CPNE4: variants seen among roughly 807,000 people sequenced by gnomAD.
The protein encoded by CPNE4 is copine 4.
Under a neutral mutation model 67.9 loss-of-function variants are expected in CPNE4, and 25 were observed. The observed-to-expected ratio is 0.37, with a 90% CI of 0.27 to 0.51. CPNE4 has a LOEUF of 0.51. Among genes scored for constraint, CPNE4 ranks in the 20% least tolerant of loss-of-function variants. CPNE4 has a pLI of 0.93. For synonymous variants in CPNE4, 242 were observed against 244.9 expected, an observed-to-expected ratio of 0.99 and a Z score of 0.11; for missense variants, 464 against 690.8, an observed-to-expected ratio of 0.67 and a Z score of 3.68.
intron 2 of CPNE4, among the ~76,000 whole-genome samples, chr3:131,750,289 A>T (rs142217139): frequency 9.4e-4 from 143 of 152,262 alleles, no homozygotes; most frequent in African/African-American, 3.3e-3. Context: ...TTGTCTTTCA[A>T]TTGGTATATT....
intron 1 of CPNE4, among the ~76,000 whole-genome samples, chr3:132,000,615 G>A (rs1167514401): frequency 9.9e-5 from 15 of 151,620 alleles, no homozygotes; most frequent in Non-Finnish European, 2.2e-4. Flanking sequence ...TTAGAAAAGG[G>A]AAATTCTCAT....
At chr3:131,736,641 G>A (rs1037223040) in intron 2 of CPNE4, among the ~76,000 whole-genome samples, 3 of 148,556 alleles carry the variant, frequency 2.0e-5, no homozygotes, top group Admixed American at 1.3e-4. Flanking sequence ...AAAAGTTGAA[G>A]ATGCTTACAC....
At chr3:132,000,850 A>G (rs979222084) in intron 1 of CPNE4, among the ~76,000 whole-genome samples, 2 of 149,832 alleles carry the variant, frequency 1.3e-5, no homozygotes, top group African/African-American at 4.9e-5. Context: ...TGTTTCTTAA[A>G]AAAAAAAAAA....
At chr3:131,840,606 A>AG (rs1289557396) in intron 2 of CPNE4, among the ~76,000 whole-genome samples, 1 of 152,190 alleles carries the variant, frequency 6.6e-6, no homozygotes, top group African/African-American at 2.4e-5. Flanking sequence ...CACCACCCTG[A>AG]GTTCTTGGCA....
chr3:131,983,151 T>C (rs2072951683), intron 1 of CPNE4, among the ~76,000 whole-genome samples: 1 of 152,166 alleles, frequency 6.6e-6, no homozygotes, highest in Admixed American at 6.5e-5. Flanking sequence ...CTTGTAAATA[T>C]CTAAGTTCTC....
intron 1 of CPNE4, among the ~76,000 whole-genome samples, chr3:131,954,945 G>A (rs189464076): frequency 9.1e-5 from 13 of 142,160 alleles, no homozygotes; most frequent in East Asian, 2.0e-4. Flanking sequence ...GAACAGTGCC[G>A]CAATAAACAT....
chr3:131,976,400 A>C (rs954861444), intron 1 of CPNE4, among the ~76,000 whole-genome samples: 2 of 152,194 alleles, frequency 1.3e-5, no homozygotes, highest in Admixed American at 6.5e-5. Flanking sequence ...TTTTCCCTTT[A>C]TAAGACCACT....
chr3:131,550,890 A>G (rs188379789), intron 13 of CPNE4, among the ~76,000 whole-genome samples: 2 of 152,240 alleles, frequency 1.3e-5, no homozygotes, highest in Admixed American at 1.3e-4. Context: ...AGGCAGTCCT[A>G]TCTATACAGC....
At chr3:131,999,346 G>A (rs778430081) in intron 1 of CPNE4, among the ~76,000 whole-genome samples, 3 of 150,574 alleles carry the variant, frequency 2.0e-5, no homozygotes, top group Non-Finnish European at 4.4e-5. Context: ...AACTAACTGG[G>A]GATCATCCAT....
intron 2 of CPNE4, among the ~76,000 whole-genome samples, chr3:131,849,433 C>A (rs1031354625): frequency 6.6e-6 from 1 of 151,916 alleles, no homozygotes; most frequent in African/African-American, 2.4e-5. Context: ...CATGGCCAGA[C>A]GGGAAGAATA....
chr3:131,685,907 C>T lies in CPNE4; in HGVS notation c.559G>A (p.Asp187Asn), dbSNP rs760915756. The T allele has an allele frequency of 6.2e-7, 1 of 1,613,454 alleles. No individual in the cohort carries two copies. The highest frequency in any genetic ancestry group is 8.5e-7 in the Non-Finnish European group (1 of 1,179,436). ...PFLEIFRMND[D>N]ATQQLVHRTE... ...CGGTGCACCAGCTGCTGAGTTGCAT[C>T]ATCATTCATACGAAAAATTTCCAGA... The change falls in exon 6 of 16, where the codon GAT becomes AAT. Residue 187 changes from aspartate (D) to asparagine (N), a missense_variant. Transcript: ENST00000429747.
rs2074054070 is a variant in CPNE4, at chr3:132,023,691, T to G, written c.-2+10876A>C. Among the ~76,000 whole-genome samples the G allele has an allele frequency of 4.6e-5, 7 of 152,006 alleles. No homozygotes were observed. In the South Asian group the frequency reaches 1.0e-3, roughly 23 times the overall value. On this transcript the variant is annotated intron_variant, in intron 1 of 15. Coordinates refer to ENST00000429747, the MANE Select transcript of CPNE4 (RefSeq NM_130808.3). ...TTTAGTAGAGACGGGGTTTCACCGT[T>G]TTAGCCGGGATGGTCTCGATCTCCT...
intron 11 of CPNE4, among the ~76,000 whole-genome samples, chr3:131,562,317 C>G (rs893883313): frequency 6.6e-6 from 1 of 152,002 alleles, no homozygotes; most frequent in African/African-American, 2.4e-5. Context: ...AGATCATCCA[C>G]TAAATCTGCT....
intron 6 of CPNE4, among the ~76,000 whole-genome samples, chr3:131,685,202 G>C (rs2080861139): frequency 6.8e-6 from 1 of 147,426 alleles, no homozygotes; most frequent in South Asian, 2.1e-4. Flanking sequence ...ATCATCATGT[G>C]TGAGGAATTT....
intron 7 of CPNE4, among the ~76,000 whole-genome samples, chr3:131,630,430 A>G (rs545130520): frequency 3.3e-5 from 5 of 152,344 alleles, no homozygotes; most frequent in African/African-American, 4.8e-5. Context: ...TGGTGCAGTG[A>G]AAAAACCTCA....
chr3:131,993,472 C>CAAAAAAAAAAAAAAAAAAAAA lies in CPNE4; in HGVS notation c.-2+41094_-2+41095insTTTTTTTTTTTTTTTTTTTTT, dbSNP rs58116331. ...ACCCTGATTTCGTGTGCAGGAGTGG[C>CAAAAAAAAAAAAAAAAAAAAA]AAAAAAAAAAAAAAAAAGCATAGCT... On this transcript the variant is annotated intron_variant, in intron 1 of 15. Coordinates refer to ENST00000429747, the MANE Select transcript of CPNE4 (RefSeq NM_130808.3). 1.3e-4 allele frequency among the ~76,000 whole-genome samples: 8 copies of CAAAAAAAAAAAAAAAAAAAAA among 60,468 alleles called. 1 individual carries two copies. Among genetic ancestry groups the CAAAAAAAAAAAAAAAAAAAAA allele is most frequent in the African/African-American group, 3.3e-4 (6 of 18,298 alleles). 39.7% of individuals were successfully genotyped at this position (60,468 alleles called of 152,430 possible).
chr3:131,752,586 C>CAA (rs1385793779), intron 2 of CPNE4, among the ~76,000 whole-genome samples: 1 of 152,126 alleles, frequency 6.6e-6, no homozygotes, highest in Non-Finnish European at 1.5e-5. Context: ...TTAATGTATT[C>CAA]TTATGTTTGT....
At chr3:131,654,337 G>A (rs111873882) in intron 7 of CPNE4, among the ~76,000 whole-genome samples, 11,237 of 151,830 alleles carry the variant, frequency 0.074, 1,124 homozygotes, top group African/African-American at 0.23. Context: ...TGTACAGATT[G>A]TTTTGTCACC....
chr3:131,965,247 A>C (rs887445047), intron 1 of CPNE4, among the ~76,000 whole-genome samples: 1 of 152,122 alleles, frequency 6.6e-6, no homozygotes, highest in Non-Finnish European at 1.5e-5. Context: ...AAAAGAAAAA[A>C]CAGTACCAGC....
Sources: allele counts gnomAD v4.1 joint callset (sites outside exome capture counted in the v4.1 genomes callset), GRCh38; gene constraint gnomAD v4.1.1; transcripts MANE v1.5; gene names NCBI Gene and HGNC (gene_info 2026-07-23, HGNC 2026-07-21).